The following KHDRBS2 variants were observed in gnomAD, a reference collection of about 807,000 sequenced individuals.
KHDRBS2 encodes KH RNA binding domain containing, signal transduction associated 2, also known as KH domain-containing, RNA-binding, signal transduction-associated protein 2.
In KHDRBS2, 26 loss-of-function variants were observed where a neutral mutation model predicts 44.3. The ratio of observed to expected loss-of-function variants is 0.59; its 90% CI spans 0.43 to 0.81. KHDRBS2 has a LOEUF of 0.81. Among genes scored for constraint, KHDRBS2 ranks in the 40% least tolerant of loss-of-function variants. The pLI is 0.00. For missense variants in KHDRBS2, 476 were observed against 433.1 expected (o/e 1.10, Z -0.88); for synonymous variants, 194 against 151.1 (o/e 1.28, Z -2.08).
chr6:61,691,023 G>C (rs1462751241), intron 8 of KHDRBS2, among the ~76,000 whole-genome samples: 3 of 151,950 alleles, frequency 2.0e-5, no homozygotes, highest in African/African-American at 7.3e-5. Flanking sequence ...TAATTCTGAT[G>C]GCTAGTTCTC....
Position 62,286,196 on chromosome 6 carries a change from C to T in KHDRBS2, c.-248G>A. ...CGCGCAGAGCCCCGGCTCACACCAG[C>T]GGCCTTAACTGGAGAGGCGGGAACA... On this transcript the variant is annotated 5_prime_UTR_variant, in exon 1 of 9. Coordinates refer to ENST00000281156, the MANE Select transcript of KHDRBS2 (RefSeq NM_152688.4). The T allele has an allele frequency of 1.9e-6, 1 of 513,822 alleles. No homozygotes were observed. The highest frequency in any genetic ancestry group is 2.5e-5 in the South Asian group (1 of 40,772). The allele number at this position is 513,822 out of a possible 1,614,324, so 31.8% of individuals were successfully genotyped here.
In KHDRBS2 at chr6:62,264,065, C is replaced by T. The variant is rs144654047; in HGVS notation, c.91+21793G>A. ...CCAGATATTATTTCTCATTTGACGT[C>T]AACCTGCCTTTATCTGACATGTAAA... On this transcript the variant is annotated intron_variant, in intron 1 of 8. Transcript: ENST00000281156. Among the ~76,000 whole-genome samples the T allele has an allele frequency of 3.3e-5, 5 of 151,782 alleles. No homozygotes were observed. The East Asian group carries it at 9.7e-4, about 30-fold the overall frequency.
chr6:61,692,523 T>A (rs530854540), intron 8 of KHDRBS2, among the ~76,000 whole-genome samples: 144 of 152,190 alleles, frequency 9.5e-4, no homozygotes, highest in Admixed American at 1.5e-3. Flanking sequence ...TTAACTGTGA[T>A]AAAACCTAAA....
intron 2 of KHDRBS2, among the ~76,000 whole-genome samples, chr6:62,118,129 C>T (rs1199101292): frequency 6.6e-6 from 1 of 152,170 alleles, no homozygotes; most frequent in Non-Finnish European, 1.5e-5. Flanking sequence ...CTTTCTTCTG[C>T]ATACAATTAT....
the KHDRBS2 span, among the ~76,000 whole-genome samples, chr6:61,662,526 T>G: frequency 6.6e-6 from 1 of 152,082 alleles, no homozygotes; most frequent in Admixed American, 6.6e-5. Context: ...ATCCAGAATC[T>G]ACAATGAACT....
intron 6 of KHDRBS2, among the ~76,000 whole-genome samples, chr6:61,883,157 C>A (rs1384809643): frequency 1.3e-5 from 2 of 151,842 alleles, no homozygotes; most frequent in Admixed American, 6.6e-5. Flanking sequence ...AATCCTTAGG[C>A]CATGTGTATG....
At chr6:61,977,163 A>G (rs1772845036) in intron 4 of KHDRBS2, among the ~76,000 whole-genome samples, 1 of 152,036 alleles carries the variant, frequency 6.6e-6, no homozygotes. Context: ...ATTTCCTCTT[A>G]GTTTATTGCT....
intron 2 of KHDRBS2, 104 bp downstream of exon 2, chr6:62,177,081 A>C: frequency 4.3e-6 from 3 of 692,900 alleles, no homozygotes; most frequent in Non-Finnish European, 4.4e-6. Context: ...CACTTACATT[A>C]TGAAGCTTCA....
chr6:62,175,867 C>T (rs1820985213), intron 2 of KHDRBS2, among the ~76,000 whole-genome samples: 1 of 151,438 alleles, frequency 6.6e-6, no homozygotes, highest in Admixed American at 6.6e-5. Flanking sequence ...AAATGCCTTA[C>T]ATACCTTGCC....
chr6:62,236,041 A>G (rs1833653051), intron 1 of KHDRBS2, among the ~76,000 whole-genome samples: 1 of 152,146 alleles, frequency 6.6e-6, no homozygotes, highest in South Asian at 2.1e-4. Context: ...AGTAAAAATC[A>G]AAATCGTTCA....
At chr6:62,238,313 C>T (rs1337788343) in intron 1 of KHDRBS2, among the ~76,000 whole-genome samples, 1 of 152,050 alleles carries the variant, frequency 6.6e-6, no homozygotes, top group Non-Finnish European at 1.5e-5. Flanking sequence ...GAGTGGGATT[C>T]GAGTTTGATG....
At chr6:61,560,018 GC>G in the KHDRBS2 span, among the ~76,000 whole-genome samples, 3 of 151,988 alleles carry the variant, frequency 2.0e-5, no homozygotes. Flanking sequence ...AAATCCCTCA[GC>G]TTTTGCTTGG....
At chr6:62,139,548 G>A (rs1474145614) in intron 2 of KHDRBS2, among the ~76,000 whole-genome samples, 7 of 85,824 alleles carry the variant, frequency 8.2e-5, no homozygotes, top group African/African-American at 1.8e-4. Flanking sequence ...GTAAGACTCC[G>A]CCTCAAAAAA....
intron 2 of KHDRBS2, among the ~76,000 whole-genome samples, chr6:62,093,142 C>T (rs1799792156): frequency 1.3e-5 from 2 of 150,762 alleles, no homozygotes; most frequent in Non-Finnish European, 1.5e-5. Flanking sequence ...CATTAAAAAT[C>T]CTAAAGAAAC....
At chr6:62,180,367 T>A (rs1323818694) in intron 1 of KHDRBS2, among the ~76,000 whole-genome samples, 1 of 151,744 alleles carries the variant, frequency 6.6e-6, no homozygotes, top group Admixed American at 6.6e-5. Context: ...AAAATCAACA[T>A]CCAAAAATCA....
chr6:61,759,219 G>A (rs1778929663), intron 6 of KHDRBS2, among the ~76,000 whole-genome samples: 1 of 152,050 alleles, frequency 6.6e-6, no homozygotes. Flanking sequence ...ATACAGGTTA[G>A]CAATATTGGT....
intron 4 of KHDRBS2, among the ~76,000 whole-genome samples, chr6:61,958,285 T>C (rs1238535575): frequency 6.6e-6 from 1 of 152,132 alleles, no homozygotes; most frequent in East Asian, 1.9e-4. Context: ...ATGCTGTTTC[T>C]GCATATCCTG....
chr6:62,263,121 C>G (rs9446114), intron 1 of KHDRBS2, among the ~76,000 whole-genome samples: 34,723 of 151,608 alleles, frequency 0.23, 5,440 homozygotes, highest in African/African-American at 0.45. Context: ...TAGTAATTTA[C>G]AATTTTATAT....
intron 4 of KHDRBS2, among the ~76,000 whole-genome samples, chr6:61,965,132 T>C (rs556176624): frequency 3.3e-5 from 5 of 152,080 alleles, no homozygotes; most frequent in Non-Finnish European, 7.4e-5. Flanking sequence ...AGGGAAATGC[T>C]AAATTCCAGT....
Sources: allele counts gnomAD v4.1 joint callset (sites outside exome capture counted in the v4.1 genomes callset), GRCh38; gene constraint gnomAD v4.1.1; transcripts MANE v1.5; gene names NCBI Gene and HGNC (gene_info 2026-07-23, HGNC 2026-07-21).